NPM2: variants seen among roughly 807,000 people sequenced by gnomAD.
NPM2 encodes nucleophosmin/nucleoplasmin 2, also known as nucleoplasmin-2.
A neutral mutation model predicts 32.0 loss-of-function variants in NPM2; 25 were observed. The observed-to-expected ratio is 0.78, with a 90% confidence interval of 0.57 to 1.09. The LOEUF (loss-of-function observed/expected upper bound fraction) is 1.09. Ranked by LOEUF, NPM2 falls within the 50% of genes least tolerant of loss-of-function variation. The pLI is 0.00. For synonymous variants in NPM2, 111 were observed against 94.2 expected, an observed-to-expected ratio of 1.18 and a Z score of -1.04; for missense variants, 282 against 259.9, an observed-to-expected ratio of 1.08 and a Z score of -0.58.
chr8:22,029,714 G>T (rs186255419), intron 5 of NPM2, among the ~76,000 whole-genome samples: 2 of 152,118 alleles, frequency 1.3e-5, no homozygotes, highest in Non-Finnish European at 2.9e-5. Context: ...TCATGATTTT[G>T]CCCTCATTCC....
chr8:22,025,468 A>G lies in NPM2; in HGVS notation c.91A>G (p.Thr31Ala). 6.2e-7 allele frequency: 1 copy of G among 1,614,030 alleles called. No homozygotes were observed. Among genetic ancestry groups the G allele is most frequent in the Middle Eastern group, 1.6e-4 (1 of 6,062 alleles). The change falls in exon 4 of 10, where the codon ACC becomes GCC. Residue 31 changes from threonine (T) to alanine (A), a missense_variant. Thr to Ala is a moderately conservative substitution (Grantham distance 58). Coordinates refer to ENST00000518119, the MANE Select transcript of NPM2 (RefSeq NM_001286680.2). ...GCTCAGTCAGGAGAGGCGGACTTGG[A>G]CCTTCAGACCCCAGCTGGAGGGGAA... Reference protein sequence around the residue: ...CELSQERRTWTFRPQLEGKQS... With the variant: ...CELSQERRTWAFRPQLEGKQS...
chr8:22,025,655 G>C lies in NPM2; in HGVS notation c.153G>C (p.Leu51Phe). The change falls in exon 5 of 10, where the codon TTG (leucine) becomes TTC (phenylalanine). Residue 51 changes from leucine (L) to phenylalanine (F), a missense_variant. Coordinates refer to ENST00000518119, the MANE Select transcript of NPM2 (RefSeq NM_001286680.2). Reference protein sequence around the residue: ...SCRLLLHTICLGEKAKEEMHR... With the variant: ...SCRLLLHTICFGEKAKEEMHR... ...TTTTCAACCCCGCTCAGATTTGCTT[G>C]GGGGAGAAAGCCAAAGAGGAGATGC... is the stretch of plus-strand genomic sequence containing the variant. The C allele has an allele frequency of 1.2e-6, 2 of 1,614,192 alleles. No homozygotes were observed. The highest frequency in any genetic ancestry group is 8.5e-7 in the Non-Finnish European group (1 of 1,180,036).
intron 8 of NPM2, among the ~76,000 whole-genome samples, chr8:22,036,004 G>A (rs1159532991): frequency 6.6e-6 from 1 of 151,618 alleles, no homozygotes; most frequent in Non-Finnish European, 1.5e-5. Context: ...AATGTTTAGT[G>A]TGGGCAGTAA....
At chr8:22,033,649 A>G (rs1800516560) in intron 6 of NPM2, among the ~76,000 whole-genome samples, 1 of 152,192 alleles carries the variant, frequency 6.6e-6, no homozygotes, top group Admixed American at 6.5e-5. Context: ...TCTTTTCTGT[A>G]TGATTATGCC....
chr8:22,033,314 C>A, intron 6 of NPM2, 91 bp downstream of exon 6: 2 of 1,027,484 alleles, frequency 1.9e-6, no homozygotes, highest in Admixed American at 1.8e-5. Flanking sequence ...TGGAGGGATT[C>A]TTGAATGTTG....
chr8:22,027,414 A>G (rs1465173133), intron 5 of NPM2, among the ~76,000 whole-genome samples: 1 of 152,194 alleles, frequency 6.6e-6, no homozygotes, highest in Admixed American at 6.6e-5. Flanking sequence ...TTATTTCTGT[A>G]AACTCAACCT....
chr8:22,030,101 C>T (rs1322738576), intron 5 of NPM2, among the ~76,000 whole-genome samples: 5 of 152,104 alleles, frequency 3.3e-5, no homozygotes, highest in African/African-American at 1.2e-4. Context: ...TCACTCTGTC[C>T]CCCGTGTTAG....
Position 22,024,360 on chromosome 8 carries a change from C to G in NPM2, c.-404C>G, listed in dbSNP as rs774615096. On this transcript the variant is annotated 5_prime_UTR_variant, in exon 1 of 10. Coordinates refer to ENST00000518119, the MANE Select transcript of NPM2 (RefSeq NM_001286680.2). ...AGGCAACGAACAAGAAGGAGGGCTT[C>G]CAACTGCAGCTTCCTGCCGGCTGCA... 6.6e-6 allele frequency: 1 copy of G among 152,484 alleles called. No individual in the cohort carries two copies. Among genetic ancestry groups the G allele is most frequent in the Non-Finnish European group, 1.5e-5 (1 of 68,250 alleles). The allele number at this position is 152,484 out of a possible 1,614,324, so 9.4% of individuals were successfully genotyped here. A position where few individuals can be genotyped will look rare whatever the true frequency, so the allele number is the denominator to read the frequency against.
chr8:22,033,960 A>G, intron 6 of NPM2, 149 bp from the exon 7 acceptor site: 4 of 1,232,826 alleles, frequency 3.2e-6, no homozygotes, highest in Non-Finnish European at 4.4e-6. Context: ...GCCGCCCTGT[A>G]CAGGTGGCAG....
At chr8:22,031,485 G>A (rs953861479) in intron 5 of NPM2, among the ~76,000 whole-genome samples, 1 of 152,138 alleles carries the variant, frequency 6.6e-6, no homozygotes, top group Admixed American at 6.5e-5. Context: ...TTGTTCTGTC[G>A]CCCAGGCTGG....
chr8:22,035,655 C>T (rs936916569), intron 8 of NPM2, among the ~76,000 whole-genome samples: 6 of 152,060 alleles, frequency 3.9e-5, no homozygotes, highest in African/African-American at 1.4e-4. Flanking sequence ...TTGACCAGGC[C>T]GGGTACGGTG....
Position 22,024,466 on chromosome 8 carries a change from A to G in NPM2, c.-298A>G, listed in dbSNP as rs1027966269. On this transcript the variant is annotated 5_prime_UTR_variant, in exon 1 of 10. Transcript: ENST00000518119. The stretch of plus-strand genomic sequence containing the variant: ...GCCAGGAGGCCTCGGCGGGTCCGCA[A>G]TTGGCCGGGACAGCTTCTCACGAAA... 2.6e-5 allele frequency: 4 copies of G among 152,540 alleles called. No homozygotes were observed. Among genetic ancestry groups the G allele is most frequent in the Non-Finnish European group, 5.9e-5 (4 of 68,336 alleles). 9.4% of individuals were successfully genotyped at this position (152,540 alleles called of 1,614,324 possible). A position where few individuals can be genotyped will look rare whatever the true frequency, so the allele number is the denominator to read the frequency against.
Position 22,025,767 on chromosome 8 carries a change from C to T in NPM2, c.265C>T (p.Pro89Ser), listed in dbSNP as rs1256121322. The stretch of plus-strand genomic sequence containing the variant: ...TGCCTCACTCCAGGCCTCAGTCCTC[C>T]CCATGGTGCGCATTTCCCTGCTGGC... ...TIASLQASVL[P>S]MVSMVGVQLS... Residue 89 changes from proline to serine, a missense_variant, in exon 5 of 10, where the codon CCC becomes TCC. By Grantham distance (74) the Pro-to-Ser change is moderately conservative. Transcript: ENST00000518119. 5 of 1,613,918 alleles carry T rather than the reference C, an allele frequency of 3.1e-6. No homozygotes were observed. In the South Asian group the frequency reaches 4.4e-5, roughly 14 times the overall value.
chr8:22,025,336 G>T, intron 3 of NPM2, 30 bp downstream of exon 3: 1 of 1,601,614 alleles, frequency 6.2e-7, no homozygotes, highest in Non-Finnish European at 8.5e-7. Context: ...CCTTCCCAGA[G>T]ACACGCCCCA....
At chr8:22,032,611 CA>C (rs1261099144) in intron 5 of NPM2, among the ~76,000 whole-genome samples, 5 of 152,284 alleles carry the variant, frequency 3.3e-5, no homozygotes, top group East Asian at 1.9e-4. Flanking sequence ...GGTCTGAGAT[CA>C]GGGGGCCGGC....
chr8:22,025,845 C>G (rs1383820097), intron 5 of NPM2, 73 bp downstream of exon 5: 1 of 1,598,596 alleles, frequency 6.3e-7, no homozygotes, highest in East Asian at 2.2e-5. Context: ...TGGACACACA[C>G]GAGGGTGCAT....
chr8:22,033,838 C>T (rs1214854451), intron 6 of NPM2, among the ~76,000 whole-genome samples: 1 of 152,176 alleles, frequency 6.6e-6, no homozygotes, highest in African/African-American at 2.4e-5. Flanking sequence ...CCCCCTCCTA[C>T]CCAGCCAGAG....
At chr8:22,025,364 C>T (rs909393258) in intron 3 of NPM2, 58 bp downstream of exon 3, 3 of 1,600,722 alleles carry the variant, frequency 1.9e-6, no homozygotes, top group African/African-American at 2.7e-5. Context: ...TGCGCGGCAG[C>T]TTGGGGCGCA....
chr8:22,030,321 C>T (rs1028608974), intron 5 of NPM2, among the ~76,000 whole-genome samples: 1 of 152,150 alleles, frequency 6.6e-6, no homozygotes, highest in Non-Finnish European at 1.5e-5. Flanking sequence ...TCACTGCAGC[C>T]TCAAACTCCT....
Sources: allele counts gnomAD v4.1 joint callset (sites outside exome capture counted in the v4.1 genomes callset), GRCh38; gene constraint gnomAD v4.1.1; transcripts MANE v1.5; gene names NCBI Gene and HGNC (gene_info 2026-07-23, HGNC 2026-07-21).